The following PCDHA11 variants were observed in gnomAD, a reference collection of about 807,000 sequenced individuals.
The protein encoded by PCDHA11 is protocadherin alpha 11.
In PCDHA11, 61 loss-of-function variants were observed where a neutral mutation model predicts 70.3. The observed-to-expected ratio is 0.87, with a 90% confidence interval of 0.71 to 1.07. The LOEUF (loss-of-function observed/expected upper bound fraction) is 1.07, where lower values mean the gene tolerates loss of function less well. PCDHA11 is among the 50% of genes least tolerant of loss of function. The probability of loss-of-function intolerance (pLI) is 0.00; values close to 1 mark genes in which losing one functional copy is unlikely to be tolerated. For synonymous variants in PCDHA11, 633 were observed against 555.1 expected, an observed-to-expected ratio of 1.14 and a Z score of -1.97; for missense variants, 1,324 against 1,237.5, an observed-to-expected ratio of 1.07 and a Z score of -1.05.
rs193096250 is a variant in PCDHA11 at position 140,998,611 on chromosome 5, C to A, written c.2540-11016C>A. Among the ~76,000 whole-genome samples, 28 of 151,482 alleles carry A rather than the reference C, an allele frequency of 1.8e-4. No individual in the cohort carries two copies. The East Asian group carries it at 5.2e-3, about 28-fold the overall frequency. ...CAGAGTTTTGCTCTTGTTGCCCAGG[C>A]TGGAGTGCAATGGCACAATCTCAGC... On this transcript the variant is annotated intron_variant, in intron 3 of 3. Transcript: ENST00000398640.
At chr5:140,968,756 G>T in intron 1 of PCDHA11, 1 of 1,614,202 alleles carries the variant, frequency 6.2e-7, no homozygotes, top group Non-Finnish European at 8.5e-7. Flanking sequence ...GGTGGTCCGA[G>T]ATAATGGAGA....
chr5:140,885,641 T>G (rs917089389), intron 1 of PCDHA11, among the ~76,000 whole-genome samples: 10 of 152,200 alleles, frequency 6.6e-5, no homozygotes, highest in Admixed American at 6.5e-4. Context: ...GCCTTCCAAG[T>G]ATTTTGGAAC....
chr5:140,967,747 A>C, intron 1 of PCDHA11: 1 of 1,614,160 alleles, frequency 6.2e-7, no homozygotes, highest in Non-Finnish European at 8.5e-7. Context: ...ATTATGAGGA[A>C]GCCTCCTCCT....
rs201504685 is a variant in PCDHA11, at chr5:140,869,546, C to A, written c.443C>A (p.Ser148Ter). ...CTGCTGATTGCGGAATCTAAGCAAT[C>A]GGACTCGCGTTTTCCACTAGAGGGA... is the stretch of plus-strand genomic sequence containing the variant. ...QKLLIAESKQ[S>*]DSRFPLEGAS... The change falls in exon 1 of 4, where the codon TCG (serine) becomes TAG (stop). Residue 148 changes from serine (S) to a stop codon, truncating the protein, a stop_gained. Coordinates refer to ENST00000398640, the MANE Select transcript of PCDHA11 (RefSeq NM_018902.5). LOFTEE classifies it high-confidence loss of function. 3 of 1,614,170 alleles carry A rather than the reference C, an allele frequency of 1.9e-6. No homozygotes were observed. The highest frequency in any genetic ancestry group is 4.5e-5 in the East Asian group (2 of 44,888).
chr5:140,907,761 T>C (rs1554193135), intron 1 of PCDHA11, among the ~76,000 whole-genome samples: 4 of 152,182 alleles, frequency 2.6e-5, no homozygotes, highest in African/African-American at 9.7e-5. Flanking sequence ...ATGGGCCCAT[T>C]GGGTGATGAC....
In PCDHA11 at chr5:140,870,246, C is replaced by A; in HGVS notation, c.1143C>A (p.Asn381Lys). 1 of 1,614,168 alleles carries A rather than the reference C, an allele frequency of 6.2e-7. No individual in the cohort carries two copies. The highest frequency in any genetic ancestry group is 8.5e-7 in the Non-Finnish European group (1 of 1,180,040). The change falls in exon 1 of 4, where the codon AAC becomes AAA. Residue 381 changes from asparagine to lysine, a missense_variant. Transcript: ENST00000398640. ...ISVSDRDSGVNGQVTCSLTPH... is the reference protein window; with the variant it reads ...ISVSDRDSGVKGQVTCSLTPH... ...TGTCTGACCGTGACTCAGGTGTCAA[C>A]GGACAGGTGACCTGCTCGCTGACGC... is the stretch of plus-strand genomic sequence containing the variant.
chr5:140,917,948 A>AT (rs1443419626), intron 1 of PCDHA11, among the ~76,000 whole-genome samples: 16 of 151,986 alleles, frequency 1.1e-4, no homozygotes, highest in African/African-American at 3.9e-4. Flanking sequence ...TGGTAGTTTG[A>AT]TAGGAACATC....
intron 1 of PCDHA11, among the ~76,000 whole-genome samples, chr5:140,953,973 C>T (rs958351959): frequency 6.6e-5 from 10 of 152,036 alleles, no homozygotes; most frequent in Non-Finnish European, 1.3e-4. Context: ...GTGTGTTGTT[C>T]CCCTTCATAT....
intron 1 of PCDHA11, among the ~76,000 whole-genome samples, chr5:140,939,732 G>C (rs2092446551): frequency 6.6e-6 from 1 of 152,168 alleles, no homozygotes; most frequent in African/African-American, 2.4e-5. Context: ...GTTGTGTGTA[G>C]CTGTGTATCA....
At chr5:140,954,406 G>A (rs556455987) in intron 1 of PCDHA11, among the ~76,000 whole-genome samples, 2 of 152,268 alleles carry the variant, frequency 1.3e-5, no homozygotes, top group East Asian at 3.9e-4. Flanking sequence ...CACCAACAGG[G>A]TAAAGGTGTT....
intron 1 of PCDHA11, among the ~76,000 whole-genome samples, chr5:140,903,060 T>C (rs1412957275): frequency 6.6e-6 from 1 of 152,316 alleles, no homozygotes; most frequent in East Asian, 1.9e-4. Flanking sequence ...TGACTTCTTT[T>C]CCTTTGGGTA....
intron 1 of PCDHA11, among the ~76,000 whole-genome samples, chr5:140,914,027 T>C (rs188298966): frequency 6.6e-6 from 1 of 152,186 alleles, no homozygotes; most frequent in Non-Finnish European, 1.5e-5. Context: ...ATCCACGTGC[T>C]GAGAAGAATG....
At chr5:140,892,439 T>G (rs2063514217) in intron 1 of PCDHA11, among the ~76,000 whole-genome samples, 1 of 152,206 alleles carries the variant, frequency 6.6e-6, no homozygotes, top group Non-Finnish European at 1.5e-5. Context: ...TTATCTAAAA[T>G]TTACATGTAT....
At chr5:140,890,747 G>C (rs2062780711) in intron 1 of PCDHA11, among the ~76,000 whole-genome samples, 1 of 152,024 alleles carries the variant, frequency 6.6e-6, no homozygotes, top group African/African-American at 2.4e-5. Context: ...TACTATTTCT[G>C]TCATGCTTTA....
chr5:140,986,777 G>A (rs1203790689), intron 3 of PCDHA11, among the ~76,000 whole-genome samples: 5 of 152,234 alleles, frequency 3.3e-5, no homozygotes, highest in Admixed American at 6.5e-5. Flanking sequence ...ATTAGGTAGC[G>A]GAAGCCACTA....
chr5:140,886,827 G>GAAAAAAAAA, intron 1 of PCDHA11, among the ~76,000 whole-genome samples: 1 of 60,890 alleles, frequency 1.6e-5, no homozygotes, highest in Non-Finnish European at 3.3e-5. Flanking sequence ...ACTTCGTCTT[G>GAAAAAAAAA]AAAAAAAAAA....
At chr5:140,931,751 A>G (rs1393748704) in intron 1 of PCDHA11, among the ~76,000 whole-genome samples, 2 of 151,952 alleles carry the variant, frequency 1.3e-5, no homozygotes, top group African/African-American at 4.8e-5. Context: ...TCACAAAGGC[A>G]TTTGTTATTT....
At chr5:140,931,471 G>GA (rs1215090719) in intron 1 of PCDHA11, among the ~76,000 whole-genome samples, 9 of 151,796 alleles carry the variant, frequency 5.9e-5, no homozygotes, top group Non-Finnish European at 1.0e-4. Context: ...AATGACAGAG[G>GA]AAAAAACAAC....
chr5:140,917,327 GGGA>G (rs1563018681), intron 1 of PCDHA11, among the ~76,000 whole-genome samples: 5 of 149,526 alleles, frequency 3.3e-5, no homozygotes, highest in Admixed American at 6.6e-5. Context: ...CATGTGGCGG[GGGA>G]GGGGGGGGAT....
Sources: allele counts gnomAD v4.1 joint callset (sites outside exome capture counted in the v4.1 genomes callset), GRCh38; gene constraint gnomAD v4.1.1; transcripts MANE v1.5; gene names NCBI Gene and HGNC (gene_info 2026-07-23, HGNC 2026-07-21).